RAD50: variants seen among roughly 807,000 people sequenced by gnomAD.
The protein encoded by RAD50 is DNA repair protein RAD50.
Under a neutral mutation model 168.8 loss-of-function variants are expected in RAD50, and 132 were observed. The ratio of observed to expected loss-of-function variants is 0.78; its 90% CI spans 0.68 to 0.90. The LOEUF (loss-of-function observed/expected upper bound fraction) is 0.90. Ranked by LOEUF, RAD50 falls within the 40% of genes least tolerant of loss-of-function variation. The pLI is 0.00. For missense variants in RAD50, 1,347 were observed against 1,534.4 expected, an observed-to-expected ratio of 0.88 and a Z score of 2.04; for synonymous variants, 525 against 497.4, an observed-to-expected ratio of 1.06 and a Z score of -0.74.
intron 13 of RAD50, among the ~76,000 whole-genome samples, chr5:132,601,332 A>G (rs1162871988): frequency 1.3e-5 from 2 of 152,200 alleles, no homozygotes; most frequent in East Asian, 1.9e-4. Flanking sequence ...GTAATCATCA[A>G]AAAAGAAGGC....
intron 20 of RAD50, among the ~76,000 whole-genome samples, chr5:132,617,646 T>G (rs1251587421): frequency 6.6e-6 from 1 of 152,220 alleles, no homozygotes; most frequent in Non-Finnish European, 1.5e-5. Context: ...TATGATTTAA[T>G]TCGTATTGTG....
intron 9 of RAD50, 46 bp from the exon 10 acceptor site, chr5:132,591,178 G>T (rs764379645): frequency 1.3e-6 from 2 of 1,527,986 alleles, no homozygotes; most frequent in Non-Finnish European, 1.8e-6. Context: ...TTTAATTCTT[G>T]CACAAAATAT....
rs864622704 is a variant in RAD50 at position 132,640,808 on chromosome 5, A to G, written c.3752+3A>G. ...TCTCTTGCACATGCTCTGGTTGAGT[A>G]AGTATCTCTTGCACATGCTCTGGTT... is the stretch of plus-strand genomic sequence containing the variant. On this transcript the variant is annotated splice_donor_region_variant and intron_variant, in intron 24 of 24. Transcript: ENST00000378823. 5.0e-6 allele frequency: 8 copies of G among 1,613,058 alleles called. No individual in the cohort carries two copies. The African/African-American group carries it at 1.1e-4, about 22-fold the overall frequency.
intron 21 of RAD50, among the ~76,000 whole-genome samples, chr5:132,624,824 A>G (rs1029610695): frequency 2.8e-5 from 4 of 143,120 alleles, no homozygotes. Context: ...ATGAGCCAAG[A>G]TTGTGCCAGT....
At chr5:132,615,934 G>A in intron 19 of RAD50, 69 bp from the exon 20 acceptor site, 2 of 1,397,508 alleles carry the variant, frequency 1.4e-6, no homozygotes, top group Non-Finnish European at 2.0e-6. Flanking sequence ...GCTGTCACCA[G>A]TTGCCTGTTA....
In RAD50 at chr5:132,589,620, T is replaced by C. The variant is rs746985455; in HGVS notation, c.1246-11T>C. The C allele has an allele frequency of 1.3e-6, 2 of 1,542,314 alleles. No individual in the cohort carries two copies. Among genetic ancestry groups the C allele is most frequent in the East Asian group, 4.5e-5 (2 of 44,348 alleles). ...AAATTATTAATGCTCATTCTTTACA[T>C]ATGCATTTAGAATGACTTTGCAGAA... On this transcript the variant is annotated splice_polypyrimidine_tract_variant and intron_variant, in intron 8 of 24. Coordinates refer to ENST00000378823, the MANE Select transcript of RAD50 (RefSeq NM_005732.4).
rs994212936 is a variant in RAD50 at position 132,556,993 on chromosome 5, G to A, written c.-332G>A. ...TAGAGGCCCACGTGATCCGCAGGGC[G>A]GCCGAGGCAGGAAGCTGTGAGTGCG... On this transcript the variant is annotated 5_prime_UTR_variant, in exon 1 of 25. Coordinates refer to ENST00000378823, the MANE Select transcript of RAD50 (RefSeq NM_005732.4). The A allele has an allele frequency of 7.6e-5, 63 of 824,424 alleles. No homozygotes were observed. The South Asian group carries it at 1.1e-3, about 15-fold the overall frequency. 51.1% of individuals were successfully genotyped at this position (824,424 alleles called of 1,614,324 possible).
chr5:132,636,243 A>G (rs960920989), intron 21 of RAD50, among the ~76,000 whole-genome samples: 2 of 152,224 alleles, frequency 1.3e-5, no homozygotes, highest in Admixed American at 1.3e-4. Flanking sequence ...TTTTGATGAA[A>G]GGTGACTGTG....
At chr5:132,607,954 G>A (rs930118637) in intron 16 of RAD50, among the ~76,000 whole-genome samples, 11 of 152,296 alleles carry the variant, frequency 7.2e-5, no homozygotes, top group African/African-American at 2.2e-4. Flanking sequence ...ATATAACTAC[G>A]TTGTAGATTT....
intron 23 of RAD50, among the ~76,000 whole-genome samples, chr5:132,638,965 C>A (rs1278460413): frequency 1.3e-5 from 2 of 152,238 alleles, no homozygotes; most frequent in East Asian, 3.8e-4. Flanking sequence ...GATAACACCT[C>A]TAGGCCCTTG....
At position 132,643,106 on chromosome 5, in the gene RAD50, C is replaced by G; in HGVS notation, c.*742C>G. The G allele has an allele frequency of 1.9e-6, 1 of 527,834 alleles. No homozygotes were observed. Among genetic ancestry groups the G allele is most frequent in the Non-Finnish European group, 3.8e-6 (1 of 261,546 alleles). The allele number at this position is 527,834 out of a possible 1,614,324, so 32.7% of individuals were successfully genotyped here. Reference sequence around the variant, plus strand: ...ACCACTTGAGGCCTGATCTGCCCATCGTGAAGAAGCCTGTAACACTCCTCT... The same window carrying G: ...ACCACTTGAGGCCTGATCTGCCCATGGTGAAGAAGCCTGTAACACTCCTCT... On this transcript the variant is annotated 3_prime_UTR_variant, in exon 25 of 25. Transcript: ENST00000378823.
intron 4 of RAD50, 116 bp downstream of exon 4, chr5:132,579,618 C>A: frequency 9.3e-7 from 1 of 1,080,150 alleles, no homozygotes; most frequent in Non-Finnish European, 1.4e-6. Flanking sequence ...TCAGTTACTA[C>A]CTCTCATCCA....
intron 21 of RAD50, among the ~76,000 whole-genome samples, chr5:132,622,004 T>C (rs1751294364): frequency 6.6e-6 from 1 of 152,130 alleles, no homozygotes; most frequent in African/African-American, 2.4e-5. Context: ...TTCCTCTACA[T>C]TGCTTAACCC....
At chr5:132,640,853 G>A (rs755401780) in intron 24 of RAD50, 48 bp downstream of exon 24, 3 of 1,611,854 alleles carry the variant, frequency 1.9e-6, no homozygotes, top group Non-Finnish European at 2.5e-6. Flanking sequence ...TCTCACATTT[G>A]GGGACAGGTT....
At chr5:132,595,936 T>G in intron 13 of RAD50, 126 bp downstream of exon 13, 1 of 813,216 alleles carries the variant, frequency 1.2e-6, no homozygotes, top group Non-Finnish European at 2.1e-6. Flanking sequence ...CTTATATCAC[T>G]TCTATGATAA....
chr5:132,583,780 G>A (rs1456486049), intron 5 of RAD50, among the ~76,000 whole-genome samples: 7 of 144,664 alleles, frequency 4.8e-5, no homozygotes, highest in African/African-American at 1.8e-4. Flanking sequence ...TGCAACCTCC[G>A]TCTCCCAGGT....
chr5:132,639,667 G>C (rs947022698), intron 23 of RAD50, among the ~76,000 whole-genome samples: 14 of 152,190 alleles, frequency 9.2e-5, no homozygotes, highest in Non-Finnish European at 1.6e-4. Context: ...TCCTTGGTGT[G>C]AGGGGAGAGA....
At chr5:132,589,474 A>G (rs1405406345) in intron 8 of RAD50, among the ~76,000 whole-genome samples, 157 bp from the exon 9 acceptor site, 1 of 152,216 alleles carries the variant, frequency 6.6e-6, no homozygotes, top group East Asian at 1.9e-4. Flanking sequence ...CAATGATAAA[A>G]TTGCCTAATG....
At chr5:132,600,307 G>C (rs1334359730) in intron 13 of RAD50, among the ~76,000 whole-genome samples, 1 of 152,208 alleles carries the variant, frequency 6.6e-6, no homozygotes, top group Non-Finnish European at 1.5e-5. Flanking sequence ...CTGAAGGGTG[G>C]TAGGAGGGGA....
Sources: gnomAD v4.1 joint callset for allele counts (sites outside exome capture counted in the v4.1 genomes callset) on GRCh38, gnomAD v4.1.1 for gene constraint, MANE v1.5 for transcripts, NCBI Gene and HGNC (gene_info 2026-07-23, HGNC 2026-07-21) for gene names.